Variants in ZFYVE9 observed in about 807,000 individuals in gnomAD.
ZFYVE9 encodes zinc finger FYVE-type containing 9, also known as zinc finger FYVE domain-containing protein 9.
In ZFYVE9, 43 loss-of-function variants were observed where a neutral mutation model predicts 126.7. The ratio of observed to expected loss-of-function variants is 0.34; its 90% CI spans 0.27 to 0.44. The LOEUF is 0.44. Among genes scored for constraint, ZFYVE9 ranks in the 20% least tolerant of loss-of-function variants. The pLI, the probability that ZFYVE9 is intolerant of heterozygous loss-of-function variation, is 1.00. For missense variants in ZFYVE9, 1,476 were observed against 1,697.0 expected (o/e 0.87, Z 2.29); for synonymous variants, 521 against 597.4 (o/e 0.87, Z 1.87).
chr1:52,315,157 A>C (rs914419218), intron 13 of ZFYVE9, among the ~76,000 whole-genome samples: 1 of 152,200 alleles, frequency 6.6e-6, no homozygotes, highest in Non-Finnish European at 1.5e-5. Context: ...GGCCGGGTGC[A>C]GTGGCTCATG....
intron 8 of ZFYVE9, 91 bp downstream of exon 8, chr1:52,274,675 C>T: frequency 7.3e-7 from 1 of 1,368,868 alleles, no homozygotes; most frequent in Non-Finnish European, 9.7e-7. Flanking sequence ...GAGTGACATT[C>T]ACCTTTCTCT....
At chr1:52,245,019 G>A (rs1248281284) in intron 4 of ZFYVE9, among the ~76,000 whole-genome samples, 5 of 152,122 alleles carry the variant, frequency 3.3e-5, no homozygotes, top group Admixed American at 6.5e-5. Context: ...TTAGCTGGGC[G>A]TGGTGGCAGG....
At chr1:52,155,240 T>TC (rs1644391623) in intron 1 of ZFYVE9, among the ~76,000 whole-genome samples, 1 of 132,488 alleles carries the variant, frequency 7.5e-6, no homozygotes, top group African/African-American at 3.5e-5. Context: ...TTTTCTTTTT[T>TC]TTTTTTTTTT....
At chr1:52,241,186 T>A (rs1368307589) in intron 4 of ZFYVE9, among the ~76,000 whole-genome samples, 1 of 152,100 alleles carries the variant, frequency 6.6e-6, no homozygotes, top group Non-Finnish European at 1.5e-5. Flanking sequence ...CTTAAATGTA[T>A]ACAATAAAAT....
In ZFYVE9 at chr1:52,142,400, C is replaced by T. The variant is rs950225151; in HGVS notation, c.-146C>T. 2.6e-5 allele frequency: 4 copies of T among 151,984 alleles called. No individual in the cohort carries two copies. The highest frequency in any genetic ancestry group is 9.7e-5 in the African/African-American group (4 of 41,406). 9.4% of individuals were successfully genotyped at this position (151,984 alleles called of 1,614,324 possible). A position where few individuals can be genotyped will look rare whatever the true frequency, so the allele number is the denominator to read the frequency against. On this transcript the variant is annotated 5_prime_UTR_variant, in exon 1 of 19. The change creates a premature stop within an existing upstream ORF in the 5' untranslated region. Coordinates refer to ENST00000287727, the MANE Select transcript of ZFYVE9 (RefSeq NM_004799.4). The surrounding 1 kb of genome is among the most constrained non-coding windows in gnomAD (Gnocchi z 4.5). ...TGCTGAAGCGGAGGCGGCCGCTGCT[C>T]GAGGTGAGTGTGGCGCGGCGTGGTC... is the stretch of plus-strand genomic sequence containing the variant.
At chr1:52,226,874 C>T (rs949335684) in intron 2 of ZFYVE9, among the ~76,000 whole-genome samples, 3 of 152,190 alleles carry the variant, frequency 2.0e-5, no homozygotes, top group African/African-American at 7.2e-5. Context: ...TTAGCCTCTC[C>T]AAAGGAGGCA....
At position 52,180,326 on chromosome 1, in the gene ZFYVE9, CATG is replaced by C. The variant is rs1406810139; in HGVS notation, c.-142-36040_-142-36038del. On this transcript the variant is annotated intron_variant, in intron 1 of 18. Coordinates refer to ENST00000287727, the MANE Select transcript of ZFYVE9 (RefSeq NM_004799.4). The stretch of plus-strand genomic sequence containing the variant: ...CCAGTTATCCTGATAGGAATCTGCC[CATG>C]ATATTTGTTTACGTGGAAGGAGATA... 37 of 1,577,058 alleles carry C rather than the reference CATG, an allele frequency of 2.3e-5. No homozygotes were observed. The Admixed American group carries it at 6.2e-4, about 26-fold the overall frequency.
At position 52,219,749 on chromosome 1, in the gene ZFYVE9, T is replaced by TTGTGTGTGTGTGTG. The variant is rs56340178; in HGVS notation, c.-37+3316_-37+3329dup. Among the ~76,000 whole-genome samples, 147 of 113,340 alleles carry TTGTGTGTGTGTGTG rather than the reference T, an allele frequency of 1.3e-3. 2 individuals are homozygous for TTGTGTGTGTGTGTG. Among genetic ancestry groups the TTGTGTGTGTGTGTG allele is most frequent in the African/African-American group, 2.7e-3 (79 of 29,036 alleles). The allele number at this position is 113,340 out of a possible 152,430, so 74.4% of individuals were successfully genotyped here. ...ATAGAGCATTTCAGGCCAAGATCTT[T>TTGTGTGTGTGTGTG]TGTGTGTGTGTGTGTGTGTGTGTGT... On this transcript the variant is annotated intron_variant, in intron 2 of 18. Transcript: ENST00000287727.
intron 1 of ZFYVE9, among the ~76,000 whole-genome samples, chr1:52,193,844 GT>G (rs1644837871): frequency 1.3e-5 from 2 of 152,024 alleles, no homozygotes; most frequent in South Asian, 4.1e-4. Flanking sequence ...ATATACAAGG[GT>G]GTTAATGGGA....
rs776576337 is a variant in ZFYVE9, at chr1:52,238,427, T to C, written c.1010T>C (p.Leu337Ser). 1 of 1,614,106 alleles carries C rather than the reference T, an allele frequency of 6.2e-7. No homozygotes were observed. The highest frequency in any genetic ancestry group is 8.5e-7 in the Non-Finnish European group (1 of 1,179,982). The change falls in exon 4 of 19, where the codon TTA becomes TCA. Residue 337 changes from leucine to serine, a missense_variant. Transcript: ENST00000287727. ...ACTGAAGAATCCCTCCGGTCTGGTT[T>C]ACCTTTGCTTCTCAAACCAGACATG... ...STTEESLRSGLPLLLKPDMPN... is the reference protein window; with the variant it reads ...STTEESLRSGSPLLLKPDMPN...
Position 52,239,067 on chromosome 1 carries a change from C to T in ZFYVE9, c.1650C>T (p.Phe550=), listed in dbSNP as rs758154233. 1.9e-6 allele frequency: 3 copies of T among 1,614,132 alleles called. No homozygotes were observed. The stretch of plus-strand genomic sequence containing the variant: ...TGAAGAAAAATTATTTACATAATTT[C>T]TGTAGTCAAGTTCCATCAGTGCTTG... The part of the protein sequence containing the change: ...DLMKKNYLHN[F]CSQVPSVLGQ... The change falls in exon 4 of 19, where the codon TTC becomes TTT. Residue 550 remains phenylalanine (F), a synonymous_variant. Transcript: ENST00000287727.
At chr1:52,279,122 C>T (rs1645777601) in intron 9 of ZFYVE9, among the ~76,000 whole-genome samples, 1 of 152,080 alleles carries the variant, frequency 6.6e-6, no homozygotes, top group Admixed American at 6.6e-5. Context: ...GTGGAACTAA[C>T]CGAAACTCTC....
rs1397433552 is a variant in ZFYVE9 at position 52,238,243 on chromosome 1, G to T, written c.826G>T (p.Asp276Tyr). The change falls in exon 4 of 19, where the codon GAT becomes TAT. Residue 276 changes from aspartate (D) to tyrosine (Y), a missense_variant. Transcript: ENST00000287727. ...TTCAGTAATCTCATCCCAGGGAACA[G>T]ATGGATGTCCTGCTGTTAAAAAGCA... ...VDSVISSQGT[D>Y]GCPAVKKQEN... The T allele has an allele frequency of 6.2e-7, 1 of 1,613,984 alleles. No homozygotes were observed. Among genetic ancestry groups the T allele is most frequent in the Admixed American group, 1.7e-5 (1 of 59,998 alleles).
At chr1:52,172,009 A>T (rs1239670649) in intron 1 of ZFYVE9, among the ~76,000 whole-genome samples, 1 of 152,048 alleles carries the variant, frequency 6.6e-6, no homozygotes, top group Non-Finnish European at 1.5e-5. Context: ...GTTTAATGAG[A>T]TCCCATTTGT....
intron 1 of ZFYVE9, among the ~76,000 whole-genome samples, chr1:52,187,253 T>C (rs1344332321): frequency 6.6e-6 from 1 of 152,248 alleles, no homozygotes. Flanking sequence ...CTGGGATAAC[T>C]GGCTAGCCAT....
intron 1 of ZFYVE9, among the ~76,000 whole-genome samples, chr1:52,212,688 A>G (rs1274601601): frequency 6.6e-6 from 1 of 152,176 alleles, no homozygotes; most frequent in East Asian, 1.9e-4. Flanking sequence ...ATCATTCCAC[A>G]TATTTTGAAT....
chr1:52,192,681 A>C (rs1231600539), intron 1 of ZFYVE9, among the ~76,000 whole-genome samples: 1 of 152,214 alleles, frequency 6.6e-6, no homozygotes, highest in Non-Finnish European at 1.5e-5. Flanking sequence ...GGATTAATGC[A>C]CAGGATATGT....
At chr1:52,179,357 G>T (rs189666617) in intron 1 of ZFYVE9, among the ~76,000 whole-genome samples, 1 of 152,192 alleles carries the variant, frequency 6.6e-6, no homozygotes, top group Non-Finnish European at 1.5e-5. Flanking sequence ...ATTTAAGGCC[G>T]GGCGTGGTGG....
At chr1:52,164,650 G>GTCCATCCA (rs199776740) in intron 1 of ZFYVE9, among the ~76,000 whole-genome samples, 44 of 151,888 alleles carry the variant, frequency 2.9e-4, no homozygotes, top group Middle Eastern at 3.4e-3. Context: ...CCGTCCATCC[G>GTCCATCCA]TCCATCCATC....
Sources: allele counts gnomAD v4.1 joint callset (sites outside exome capture counted in the v4.1 genomes callset), GRCh38; gene constraint gnomAD v4.1.1; non-coding constraint Gnocchi (gnomAD v3.1); transcripts MANE v1.5; gene names NCBI Gene and HGNC (gene_info 2026-07-23, HGNC 2026-07-21).